OSBPL9: variants seen among roughly 807,000 people sequenced by gnomAD.
OSBPL9 encodes the protein oxysterol binding protein like 9, also known as oxysterol-binding protein-related protein 9.
OSBPL9 carries 40 observed loss-of-function variants against 106.6 expected under a neutral mutation model. That is an observed-to-expected ratio of 0.38 (90% confidence interval 0.29 to 0.49). The LOEUF (loss-of-function observed/expected upper bound fraction) is 0.49. OSBPL9 is among the 20% of genes least tolerant of loss of function. The pLI is 0.97. For synonymous variants in OSBPL9, 269 were observed against 295.4 expected (o/e 0.91, Z 0.92); for missense variants, 609 against 887.2 (o/e 0.69, Z 3.98).
intron 3 of OSBPL9, among the ~76,000 whole-genome samples, chr1:51,681,222 A>G (rs1445278842): frequency 6.6e-6 from 1 of 152,222 alleles, no homozygotes; most frequent in East Asian, 1.9e-4. Context: ...CTACCTTTGT[A>G]TATAATGTAC....
the OSBPL9 span, among the ~76,000 whole-genome samples, chr1:51,523,362 C>G: frequency 6.6e-6 from 1 of 151,940 alleles, no homozygotes; most frequent in South Asian, 2.1e-4. Flanking sequence ...CTGCCTCAGC[C>G]TCCCAAAGTG....
At chr1:51,658,425 A>G (rs1646947903) in intron 2 of OSBPL9, among the ~76,000 whole-genome samples, 1 of 152,156 alleles carries the variant, frequency 6.6e-6, no homozygotes, top group African/African-American at 2.4e-5. Flanking sequence ...GATTCTGAAG[A>G]ATTCTAAAGG....
rs764978927 is a variant in OSBPL9 at position 51,746,776 on chromosome 1, C to A, written c.462+19C>A. 2 of 1,586,990 alleles carry A rather than the reference C, an allele frequency of 1.3e-6. No individual in the cohort carries two copies. Among genetic ancestry groups the A allele is most frequent in the Non-Finnish European group, 1.7e-6 (2 of 1,166,276 alleles). On this transcript the variant is annotated intron_variant, in intron 6 of 23. Transcript: ENST00000428468. ...GAGAAAGGTAACTTCCATAACCGTG[C>A]TTTTGACGTTAAAAATTTTAAATTC...
At chr1:51,724,793 G>A in intron 4 of OSBPL9, 1 of 230,344 alleles carries the variant, frequency 4.3e-6, no homozygotes, top group Non-Finnish European at 8.6e-6. Context: ...CTCCAGAAAG[G>A]TTCTAAAGAG....
At chr1:51,526,330 T>C in the OSBPL9 span, among the ~76,000 whole-genome samples, 3 of 152,030 alleles carry the variant, frequency 2.0e-5, no homozygotes, top group Admixed American at 2.0e-4. Flanking sequence ...AAATGGAGCA[T>C]GGTAGAGATG....
At chr1:51,672,116 A>G (rs888719150) in intron 3 of OSBPL9, among the ~76,000 whole-genome samples, 5 of 152,190 alleles carry the variant, frequency 3.3e-5, no homozygotes, top group Admixed American at 6.5e-5. Flanking sequence ...GGCCATTAGA[A>G]GGTTTTGAGC....
intron 2 of OSBPL9, among the ~76,000 whole-genome samples, chr1:51,662,172 A>G (rs1647220096): frequency 6.6e-6 from 1 of 152,222 alleles, no homozygotes; most frequent in African/African-American, 2.4e-5. Flanking sequence ...AGGATTGGAC[A>G]GCTGAATAAT....
At chr1:51,555,263 G>T in the OSBPL9 span, among the ~76,000 whole-genome samples, 1 of 151,968 alleles carries the variant, frequency 6.6e-6, no homozygotes, top group Non-Finnish European at 1.5e-5. Flanking sequence ...AGGCCGAGGC[G>T]GGCGGATCCT....
intron 1 of OSBPL9, among the ~76,000 whole-genome samples, chr1:51,580,069 C>T (rs1645212313): frequency 6.6e-6 from 1 of 152,108 alleles, no homozygotes; most frequent in Non-Finnish European, 1.5e-5. Context: ...AGTAGACCTA[C>T]ATCCCTGCTT....
upstream of OSBPL9, chr1:51,616,886 C>T (rs1001870830): frequency 3.2e-6 from 2 of 618,486 alleles, no homozygotes; most frequent in Non-Finnish European, 5.3e-6. Flanking sequence ...TATAAATAAT[C>T]TTAATAGCAG....
rs183260912 is a variant in OSBPL9 at position 51,588,995 on chromosome 1, A to G, written c.-422-9129A>G. 3.4e-3 allele frequency among the ~76,000 whole-genome samples: 512 copies of G among 152,346 alleles called. 1 individual carries two copies. The highest frequency in any genetic ancestry group is 4.8e-3 in the Admixed American group (74 of 15,302). On this transcript the variant is annotated intron_variant, in intron 1 of 25. Coordinates refer to the OSBPL9 transcript ENST00000371714. ...GACAGAGAGAGATAGTAAGCATGCA[A>G]AGGCTTACATGGGAACTTTTTGGGG...
chr1:51,686,516 G>A (rs562580680), intron 3 of OSBPL9, among the ~76,000 whole-genome samples: 13 of 152,172 alleles, frequency 8.5e-5, no homozygotes, highest in Non-Finnish European at 1.9e-4. Context: ...GACTGTATTA[G>A]CAATGTTTTC....
chr1:51,744,321 G>A (rs1229725785), intron 4 of OSBPL9, among the ~76,000 whole-genome samples: 1 of 152,130 alleles, frequency 6.6e-6, no homozygotes, highest in Non-Finnish European at 1.5e-5. Context: ...CCCGTATTTG[G>A]CTGGCAAGAA....
chr1:51,705,376 C>CTCATATATATATATATAT (rs1447902837), intron 3 of OSBPL9, among the ~76,000 whole-genome samples: 1 of 41,654 alleles, frequency 2.4e-5, no homozygotes, highest in African/African-American at 1.1e-4. Context: ...TAGGGTGTTT[C>CTCATATATATATATATAT]ATATATATAT....
the OSBPL9 span, chr1:51,567,832 A>G: frequency 2.6e-5 from 4 of 152,226 alleles, no homozygotes; most frequent in Admixed American, 2.0e-4. Flanking sequence ...CCAAAGCCAC[A>G]AATGTCAGGG....
chr1:51,744,193 G>T (rs558984382), intron 4 of OSBPL9, among the ~76,000 whole-genome samples: 210 of 152,080 alleles, frequency 1.4e-3, no homozygotes, highest in African/African-American at 4.9e-3. Flanking sequence ...CCAAATTTTT[G>T]AATTTTAGTT....
chr1:51,752,674 G>C (rs560686489), intron 8 of OSBPL9: 66 of 404,470 alleles, frequency 1.6e-4, no homozygotes, highest in Admixed American at 2.7e-4. Flanking sequence ...TTTCTGATGA[G>C]GGTCCTTCTC....
chr1:51,772,007 C>A, intron 12 of OSBPL9, 63 bp from the exon 13 acceptor site: 1 of 1,241,538 alleles, frequency 8.1e-7, no homozygotes, highest in Non-Finnish European at 1.2e-6. Context: ...CTGTACGAGT[C>A]TAGCTTACTA....
intron 3 of OSBPL9, among the ~76,000 whole-genome samples, chr1:51,711,492 G>A (rs1394107453): frequency 3.6e-5 from 5 of 139,134 alleles, no homozygotes; most frequent in African/African-American, 8.2e-5. Context: ...CCCGGACGGG[G>A]CGGCTGGCCG....
Sources: allele counts gnomAD v4.1 joint callset (sites outside exome capture counted in the v4.1 genomes callset), GRCh38; gene constraint gnomAD v4.1.1; transcripts MANE v1.5; gene names NCBI Gene and HGNC (gene_info 2026-07-23, HGNC 2026-07-21).